CLVS1: variants seen among roughly 807,000 people sequenced by gnomAD.
CLVS1 encodes the protein clavesin 1, also known as clavesin-1.
A neutral mutation model predicts 33.1 loss-of-function variants in CLVS1; 10 were observed. The observed-to-expected ratio is 0.30, with a 90% CI of 0.19 to 0.51. The LOEUF (loss-of-function observed/expected upper bound fraction) is 0.51. CLVS1 is among the 20% of genes least tolerant of loss of function. The pLI is 0.97. For synonymous variants in CLVS1, 163 were observed against 166.1 expected (o/e 0.98, Z 0.14); for missense variants, 343 against 433.4 (o/e 0.79, Z 1.85).
At chr8:61,394,321 G>A (rs1184392706) in intron 3 of CLVS1, among the ~76,000 whole-genome samples, 1 of 152,184 alleles carries the variant, frequency 6.6e-6, no homozygotes, top group African/African-American at 2.4e-5. Context: ...AGTAGAAGGG[G>A]GATGTAAGCT....
chr8:61,023,318 C>T, the CLVS1 span, among the ~76,000 whole-genome samples: 1 of 152,328 alleles, frequency 6.6e-6, no homozygotes, highest in African/African-American at 2.4e-5. Flanking sequence ...CCCTGCCTTT[C>T]TCCCAATGTG....
intron 2 of CLVS1, among the ~76,000 whole-genome samples, chr8:61,137,492 A>G (rs1300259505): frequency 6.6e-6 from 1 of 152,180 alleles, no homozygotes; most frequent in Admixed American, 6.5e-5. Context: ...GAAGGGATGT[A>G]AGAAGCACTT....
At chr8:61,235,342 T>C (rs1312161400) in intron 2 of CLVS1, among the ~76,000 whole-genome samples, 1 of 152,146 alleles carries the variant, frequency 6.6e-6, no homozygotes, top group Admixed American at 6.6e-5. Context: ...GTGAGCTACA[T>C]GGAAATGCTT....
chr8:61,041,008 T>C, the CLVS1 span, among the ~76,000 whole-genome samples: 3 of 152,212 alleles, frequency 2.0e-5, no homozygotes, highest in Admixed American at 2.0e-4. Context: ...TTAATTTTTG[T>C]ATATGGTGAA....
At chr8:61,435,666 C>A (rs1816304638) in intron 3 of CLVS1, among the ~76,000 whole-genome samples, 1 of 150,392 alleles carries the variant, frequency 6.6e-6, no homozygotes, top group Non-Finnish European at 1.5e-5. Context: ...TATGTACTTT[C>A]TGATGCACCA....
intron 1 of CLVS1, among the ~76,000 whole-genome samples, chr8:61,130,506 G>T (rs1040077328): frequency 4.6e-5 from 7 of 152,164 alleles, no homozygotes; most frequent in African/African-American, 1.7e-4. Context: ...GAGCTTTTAA[G>T]CCAGACAGAT....
chr8:61,382,813 A>G (rs769001535), intron 3 of CLVS1, among the ~76,000 whole-genome samples: 1 of 152,092 alleles, frequency 6.6e-6, no homozygotes, highest in Non-Finnish European at 1.5e-5. Flanking sequence ...AGTAGAGCCC[A>G]CTGTCTGGGC....
At chr8:61,022,884 T>C in the CLVS1 span, among the ~76,000 whole-genome samples, 2 of 152,238 alleles carry the variant, frequency 1.3e-5, no homozygotes, top group African/African-American at 4.8e-5. Context: ...TATGCAAATA[T>C]ACACACGCAT....
chr8:61,242,908 A>G (rs1287689853), intron 2 of CLVS1, among the ~76,000 whole-genome samples: 1 of 150,440 alleles, frequency 6.6e-6, no homozygotes, highest in Non-Finnish European at 1.5e-5. Flanking sequence ...GCATAGTAAT[A>G]ATGGGTGCAT....
At chr8:61,103,746 G>A (rs1250475024) in intron 1 of CLVS1, among the ~76,000 whole-genome samples, 5 of 152,176 alleles carry the variant, frequency 3.3e-5, no homozygotes, top group African/African-American at 1.2e-4. Context: ...ATAAGAATTA[G>A]GCTTGTGCCA....
intron 2 of CLVS1, among the ~76,000 whole-genome samples, chr8:61,363,252 G>T (rs1813057937): frequency 6.6e-6 from 1 of 152,118 alleles, no homozygotes; most frequent in African/African-American, 2.4e-5. Context: ...ATCCTAAAAT[G>T]TATTTTCTCC....
At chr8:61,231,755 G>A (rs944661960) in intron 2 of CLVS1, among the ~76,000 whole-genome samples, 3 of 152,198 alleles carry the variant, frequency 2.0e-5, no homozygotes, top group Non-Finnish European at 4.4e-5. Flanking sequence ...GGGAGGACAG[G>A]GAATTGCCTG....
At chr8:61,212,556 T>C (rs1304825969) in intron 2 of CLVS1, among the ~76,000 whole-genome samples, 1 of 151,948 alleles carries the variant, frequency 6.6e-6, no homozygotes, top group Non-Finnish European at 1.5e-5. Context: ...AAGGTGTGGA[T>C]GTTGGGGAAA....
intron 2 of CLVS1, among the ~76,000 whole-genome samples, chr8:61,273,250 G>A (rs10090352): frequency 0.04 from 6,029 of 151,930 alleles, 406 homozygotes; most frequent in African/African-American, 0.14. Flanking sequence ...ATACCCTGCC[G>A]TGTGAGGTGT....
At chr8:61,345,803 G>T (rs1196614826) in intron 2 of CLVS1, among the ~76,000 whole-genome samples, 1 of 152,026 alleles carries the variant, frequency 6.6e-6, no homozygotes, top group Non-Finnish European at 1.5e-5. Flanking sequence ...TTCCTACCTG[G>T]AGAGGGCTGT....
chr8:61,205,132 G>T (rs2931328), intron 2 of CLVS1, among the ~76,000 whole-genome samples: 26,550 of 152,024 alleles, frequency 0.17, 2,796 homozygotes, highest in Admixed American at 0.26. Context: ...TTTAAAAATT[G>T]TGGTTAAATA....
chr8:61,369,163 G>T (rs1355989354), intron 2 of CLVS1, among the ~76,000 whole-genome samples: 2 of 152,070 alleles, frequency 1.3e-5, no homozygotes, highest in African/African-American at 4.8e-5. Flanking sequence ...GACCAATTTT[G>T]CTGAGAAAAG....
At chr8:61,252,768 C>T (rs1158972576) in intron 2 of CLVS1, among the ~76,000 whole-genome samples, 1 of 152,118 alleles carries the variant, frequency 6.6e-6, no homozygotes, top group Non-Finnish European at 1.5e-5. Flanking sequence ...TTTCCATTTG[C>T]TTGGTAAATA....
upstream of CLVS1, among the ~76,000 whole-genome samples, chr8:61,056,574 C>A (rs551030495): frequency 2.4e-4 from 37 of 152,250 alleles, no homozygotes; most frequent in African/African-American, 8.9e-4. Flanking sequence ...TCAGCGAGTG[C>A]CTGACTCATA....
Sources: allele counts gnomAD v4.1 joint callset (sites outside exome capture counted in the v4.1 genomes callset), GRCh38; gene constraint gnomAD v4.1.1; transcripts MANE v1.5; gene names NCBI Gene and HGNC (gene_info 2026-07-23, HGNC 2026-07-21).